Variants in STK38L observed in about 807,000 individuals in gnomAD.
STK38L encodes serine/threonine kinase 38 like.
Under a neutral mutation model 59.7 loss-of-function variants are expected in STK38L, and 28 were observed. The ratio of observed to expected loss-of-function variants is 0.47; its 90% CI spans 0.35 to 0.64. The LOEUF (loss-of-function observed/expected upper bound fraction) is 0.64. Ranked by LOEUF, STK38L falls within the 30% of genes least tolerant of loss-of-function variation. STK38L has a pLI of 0.01. For synonymous variants in STK38L, 162 were observed against 176.8 expected (o/e 0.92, Z 0.66); for missense variants, 314 against 555.8 (o/e 0.56, Z 4.37).
At chr12:27,276,940 GA>G (rs1943549484) in intron 1 of STK38L, among the ~76,000 whole-genome samples, 1 of 152,060 alleles carries the variant, frequency 6.6e-6, no homozygotes, top group Non-Finnish European at 1.5e-5. Flanking sequence ...CCTGGATTTC[GA>G]TTTATTGTTT....
intron 2 of STK38L, among the ~76,000 whole-genome samples, chr12:27,300,014 G>C (rs1487704318): frequency 2.0e-5 from 3 of 152,006 alleles, no homozygotes; most frequent in Admixed American, 2.0e-4. Context: ...GAAAAAGCAG[G>C]CACTTAAAAA....
At chr12:27,271,971 A>T (rs907283210) in intron 1 of STK38L, among the ~76,000 whole-genome samples, 4 of 152,234 alleles carry the variant, frequency 2.6e-5, no homozygotes, top group African/African-American at 9.6e-5. Context: ...AAGTGCTTGG[A>T]TTATAGGCAT....
At chr12:27,284,770 A>G (rs1943734189) in intron 1 of STK38L, among the ~76,000 whole-genome samples, 1 of 152,190 alleles carries the variant, frequency 6.6e-6, no homozygotes, top group Non-Finnish European at 1.5e-5. Flanking sequence ...GGTCCTGTTC[A>G]TTGCTTAGGT....
intron 1 of STK38L, among the ~76,000 whole-genome samples, chr12:27,262,203 T>C (rs1943215906): frequency 6.6e-6 from 1 of 152,136 alleles, no homozygotes; most frequent in South Asian, 2.1e-4. Flanking sequence ...TCTTAAAAAA[T>C]TATATTTTAG....
intron 1 of STK38L, among the ~76,000 whole-genome samples, chr12:27,296,534 TTCAGGTCCACA>T (rs1459255501): frequency 2.0e-5 from 3 of 152,330 alleles, no homozygotes; most frequent in African/African-American, 7.2e-5. Context: ...TCTAGTCCAC[TTCAGGTCCACA>T]TCCAGGGCTC....
intron 1 of STK38L, among the ~76,000 whole-genome samples, chr12:27,254,886 C>T (rs1943058353): frequency 6.6e-6 from 1 of 152,152 alleles, no homozygotes; most frequent in Non-Finnish European, 1.5e-5. Context: ...GGACCAGTGC[C>T]ATATTTAAGG....
Position 27,309,099 on chromosome 12 carries a change from T to G in STK38L, c.310-15T>G, listed in dbSNP as rs1165610468. 1 of 1,554,658 alleles carries G rather than the reference T, an allele frequency of 6.4e-7. No homozygotes were observed. Among genetic ancestry groups the G allele is most frequent in the Non-Finnish European group, 8.7e-7 (1 of 1,151,616 alleles). On this transcript the variant is annotated splice_polypyrimidine_tract_variant and intron_variant, in intron 4 of 13. Transcript: ENST00000389032. ...AGTAGTGACTGTTTTATAATATATG[T>G]TTTTTATCTTTTAGGTGCGGTTGGT...
chr12:27,303,012 TAAA>T (rs33949589), intron 3 of STK38L, among the ~76,000 whole-genome samples: 6,786 of 119,734 alleles, frequency 0.057, 585 homozygotes, highest in African/African-American at 0.2. Flanking sequence ...GACTCCGTCT[TAAA>T]AAAAAAAAAA....
intron 1 of STK38L, among the ~76,000 whole-genome samples, chr12:27,289,367 G>T (rs1436668446): frequency 6.6e-6 from 1 of 152,118 alleles, no homozygotes; most frequent in Non-Finnish European, 1.5e-5. Flanking sequence ...AAAAAAAAAT[G>T]AAGTTCAGAG....
intron 1 of STK38L, among the ~76,000 whole-genome samples, chr12:27,285,175 CATT>C (rs772800893): frequency 1.3e-5 from 2 of 152,116 alleles, no homozygotes; most frequent in Admixed American, 1.3e-4. Context: ...GTTGTTAAAA[CATT>C]AGTCTGATTT....
chr12:27,324,139 G>C lies in STK38L; in HGVS notation c.*1684G>C, dbSNP rs1944790277. 1.3e-5 allele frequency: 2 copies of C among 151,826 alleles called. No individual in the cohort carries two copies. The highest frequency in any genetic ancestry group is 1.3e-4 in the Admixed American group (2 of 15,236). The allele number at this position is 151,826 out of a possible 1,614,324, so 9.4% of individuals were successfully genotyped here. A position where few individuals can be genotyped will look rare whatever the true frequency, so the allele number is the denominator to read the frequency against. Reference sequence around the variant, plus strand: ...TGTTTCCCCCAACTCCCCCATTTTTGGTTTGTTTCTTTTTAAATATTTGTT... The same window carrying C: ...TGTTTCCCCCAACTCCCCCATTTTTCGTTTGTTTCTTTTTAAATATTTGTT... On this transcript the variant is annotated 3_prime_UTR_variant, in exon 14 of 14. Transcript: ENST00000389032.
At chr12:27,288,999 G>C (rs371542014) in intron 1 of STK38L, among the ~76,000 whole-genome samples, 4 of 151,990 alleles carry the variant, frequency 2.6e-5, no homozygotes, top group East Asian at 3.9e-4. Flanking sequence ...TCTAAAAGTT[G>C]GCATTGATTT....
Position 27,280,110 on chromosome 12 carries a change from A to T in STK38L, c.-11-17600A>T, listed in dbSNP as rs563543517. Among the ~76,000 whole-genome samples, 3 of 152,322 alleles carry T rather than the reference A, an allele frequency of 2.0e-5. No homozygotes were observed. In the East Asian group the frequency reaches 5.8e-4, roughly 29 times the overall value. The stretch of plus-strand genomic sequence containing the variant: ...AAAGTTACCCATGGTTATTATTTTT[A>T]CTAAAAAGACCTTTAAAAGTACTAT... On this transcript the variant is annotated intron_variant, in intron 1 of 13. Coordinates refer to ENST00000389032, the MANE Select transcript of STK38L (RefSeq NM_015000.4).
In STK38L at chr12:27,273,054, CT is replaced by C. The variant is rs531302215; in HGVS notation, c.-11-24644del. Among the ~76,000 whole-genome samples the C allele has an allele frequency of 1.5e-3, 213 of 142,964 alleles. 1 individual carries two copies. The highest frequency in any genetic ancestry group is 3.6e-3 in the Middle Eastern group (1 of 274). 93.8% of individuals were successfully genotyped at this position (142,964 alleles called of 152,430 possible). On this transcript the variant is annotated intron_variant, in intron 1 of 13. Coordinates refer to ENST00000389032, the MANE Select transcript of STK38L (RefSeq NM_015000.4). ...GTCAGAAATACTTACTGATTTTTTT[CT>C]TTTTTTTTTTTAAGATCCTCATGAC...
intron 7 of STK38L, 32 bp from the exon 8 acceptor site, chr12:27,314,983 A>G: frequency 6.6e-7 from 1 of 1,519,136 alleles, no homozygotes; most frequent in Non-Finnish European, 9.0e-7. Flanking sequence ...TTCAAAGTTA[A>G]TATGATCTAA....
At chr12:27,297,412 A>T (rs1469401494) in intron 1 of STK38L, among the ~76,000 whole-genome samples, 1 of 152,188 alleles carries the variant, frequency 6.6e-6, no homozygotes, top group East Asian at 1.9e-4. Flanking sequence ...CTTGTTTTGA[A>T]TGCTTGTTGA....
At chr12:27,285,734 A>C (rs1943757914) in intron 1 of STK38L, among the ~76,000 whole-genome samples, 1 of 152,234 alleles carries the variant, frequency 6.6e-6, no homozygotes. Flanking sequence ...GTTTTGAATC[A>C]GGCATTATCT....
intron 1 of STK38L, among the ~76,000 whole-genome samples, chr12:27,255,555 A>G (rs140349399): frequency 2.6e-5 from 4 of 152,204 alleles, no homozygotes; most frequent in Non-Finnish European, 5.9e-5. Context: ...ATCTAGTCCA[A>G]CTCTGTTGTG....
At chr12:27,275,343 T>TC (rs1943511119) in intron 1 of STK38L, among the ~76,000 whole-genome samples, 1 of 20,344 alleles carries the variant, frequency 4.9e-5, no homozygotes, top group Non-Finnish European at 2.4e-4. Flanking sequence ...AGACTGCATC[T>TC]TTTTTTTTTT....
Sources: gnomAD v4.1 joint callset for allele counts (sites outside exome capture counted in the v4.1 genomes callset) on GRCh38, gnomAD v4.1.1 for gene constraint, MANE v1.5 for transcripts, NCBI Gene and HGNC (gene_info 2026-07-23, HGNC 2026-07-21) for gene names.